The following GRHL1 variants were observed in gnomAD, a reference collection of about 807,000 sequenced individuals.
GRHL1 encodes grainyhead-like protein 1 homolog.
GRHL1 carries 38 observed loss-of-function variants against 75.7 expected under a neutral mutation model. That is an observed-to-expected ratio of 0.50 (90% CI 0.39 to 0.66). GRHL1 has a LOEUF of 0.66. Ranked by LOEUF, GRHL1 falls within the 30% of genes least tolerant of loss-of-function variation. The pLI is 0.00. For synonymous variants in GRHL1, 266 were observed against 279.4 expected (o/e 0.95, Z 0.48); for missense variants, 589 against 767.5 (o/e 0.77, Z 2.75).
intron 14 of GRHL1, among the ~76,000 whole-genome samples, chr2:9,996,779 C>T (rs1014968543): frequency 6.6e-6 from 1 of 152,230 alleles, no homozygotes; most frequent in Non-Finnish European, 1.5e-5. Flanking sequence ...ACCTTTAAAA[C>T]TCCCAATCCT....
In GRHL1 at chr2:9,987,435, C is replaced by T. The variant is rs1485456109; in HGVS notation, c.1269+1153C>T. ...ACACAGGACCCTCTGAGCCCAGCTG[C>T]TGGAAGTGTAGGCAGTCACCCCTGC... On this transcript the variant is annotated intron_variant, in intron 9 of 15. Transcript: ENST00000324907. This position sits in a 1 kb window ranked among gnomAD's most constrained non-coding sequence, Gnocchi z 4.2. Among the ~76,000 whole-genome samples the T allele has an allele frequency of 2.0e-5, 3 of 152,202 alleles. No homozygotes were observed. Among genetic ancestry groups the T allele is most frequent in the South Asian group, 2.1e-4 (1 of 4,834 alleles).
At chr2:9,969,843 T>TTC (rs140769135) in intron 8 of GRHL1, among the ~76,000 whole-genome samples, 18 of 20,078 alleles carry the variant, frequency 9.0e-4, no homozygotes, top group African/African-American at 8.2e-3. Context: ...GTTAGCACAC[T>TTC]TTTTTTTTTT....
rs1667265095 is a variant in GRHL1, at chr2:9,961,390, C to T, written c.623C>T (p.Thr208Ile). 2.5e-6 allele frequency: 4 copies of T among 1,613,828 alleles called. No homozygotes were observed. The highest frequency in any genetic ancestry group is 1.7e-5 in the Admixed American group (1 of 60,008). Residue 208 changes from threonine to isoleucine, a missense_variant, in exon 4 of 16, where the codon ACT becomes ATT. Thr to Ile is a moderately conservative substitution (Grantham distance 89, BLOSUM62 -1). Around this residue, in one of 5 missense-constraint regions of GRHL1, gnomAD observed 362 missense variants for 461.8 expected, o/e 0.78. Transcript: ENST00000324907. ...CAAGCCCCAAATGCTCAAAGGCGAA[C>T]TCCAGACTCGACCTTCTCAGAGACC... ...GAQAPNAQRR[T>I]PDSTFSETFK...
At chr2:9,993,542 G>T (rs567011499) in intron 12 of GRHL1, among the ~76,000 whole-genome samples, 1 of 152,356 alleles carries the variant, frequency 6.6e-6, no homozygotes, top group East Asian at 1.9e-4. Context: ...TGTCATGTTT[G>T]TTGATCTTCT....
chr2:9,960,867 T>C, intron 3 of GRHL1, 179 bp from the exon 4 acceptor site: 1 of 547,124 alleles, frequency 1.8e-6, no homozygotes, highest in Non-Finnish European at 3.2e-6. Flanking sequence ...TGGATTTTAT[T>C]TGACCGATAA....
chr2:9,979,351 T>C (rs115041327), intron 8 of GRHL1, among the ~76,000 whole-genome samples: 5,128 of 151,624 alleles, frequency 0.034, 304 homozygotes, highest in African/African-American at 0.12. Context: ...ACTCCCGCCT[T>C]GGCCTCCCAA....
intron 8 of GRHL1, among the ~76,000 whole-genome samples, chr2:9,973,575 T>C (rs2125223072): frequency 6.6e-6 from 1 of 152,342 alleles, no homozygotes; most frequent in African/African-American, 2.4e-5. Flanking sequence ...AAAATGGTGA[T>C]TTCATTCTCT....
intron 5 of GRHL1, among the ~76,000 whole-genome samples, chr2:9,962,881 T>C (rs11902268): frequency 0.18 from 27,367 of 151,916 alleles, 3,301 homozygotes; most frequent in African/African-American, 0.34. Context: ...AATTTAGGAG[T>C]AATATCAAGT....
chr2:9,984,895 C>G (rs1668351175), intron 8 of GRHL1, among the ~76,000 whole-genome samples: 1 of 135,972 alleles, frequency 7.4e-6, no homozygotes, highest in African/African-American at 2.7e-5. Flanking sequence ...AACCCTGTCT[C>G]TAAAAAAAAA....
intron 8 of GRHL1, among the ~76,000 whole-genome samples, chr2:9,969,577 T>C (rs1383559371): frequency 6.6e-6 from 1 of 152,166 alleles, no homozygotes; most frequent in Admixed American, 6.5e-5. Context: ...AACGTTTGAG[T>C]TGGATGAGTA....
rs769424790 is a variant in GRHL1, at chr2:9,990,986, G to A, written c.1321+239G>A. On this transcript the variant is annotated intron_variant, in intron 10 of 15. Coordinates refer to ENST00000324907, the MANE Select transcript of GRHL1 (RefSeq NM_198182.3). This position sits in a 1 kb window ranked among gnomAD's most constrained non-coding sequence, Gnocchi z 4.2. ...ATCCCTGGGTTTTCCCGACCTCAGC[G>A]TTTTTGGCTCTCAGTTCTAGTTCAG... Among the ~76,000 whole-genome samples, 16 of 152,128 alleles carry A rather than the reference G, an allele frequency of 1.1e-4. No individual in the cohort carries two copies. Among genetic ancestry groups the A allele is most frequent in the Non-Finnish European group, 2.1e-4 (14 of 68,030 alleles).
chr2:9,979,068 G>A (rs913834518), intron 8 of GRHL1, among the ~76,000 whole-genome samples: 2 of 147,362 alleles, frequency 1.4e-5, no homozygotes, highest in South Asian at 2.1e-4. Context: ...GCTGAGGCAC[G>A]AGAATCGCTT....
rs1263844877 is a variant in GRHL1, at chr2:9,956,998, TC to T, written c.208-1787del. The stretch of plus-strand genomic sequence containing the variant: ...TGTAAATTTATTTTCTTCTTCTTCT[TC>T]TTCTTTTTTTTTTTTTTAATAGAAG... On this transcript the variant is annotated intron_variant, in intron 2 of 15. Coordinates refer to ENST00000324907, the MANE Select transcript of GRHL1 (RefSeq NM_198182.3). Among the ~76,000 whole-genome samples the T allele has an allele frequency of 2.5e-3, 328 of 133,610 alleles. 2 individuals carry two copies. The highest frequency in any genetic ancestry group is 9.3e-3 in the African/African-American group (304 of 32,800). The allele number at this position is 133,610 out of a possible 152,430, so 87.7% of individuals were successfully genotyped here.
intron 8 of GRHL1, among the ~76,000 whole-genome samples, chr2:9,969,296 A>G (rs1352047290): frequency 6.6e-6 from 1 of 152,230 alleles, no homozygotes; most frequent in Admixed American, 6.5e-5. Context: ...TGCCTCACCT[A>G]TGTCCATAGT....
At chr2:9,996,963 C>T (rs1668888731) in intron 14 of GRHL1, among the ~76,000 whole-genome samples, 1 of 152,220 alleles carries the variant, frequency 6.6e-6, no homozygotes, top group Non-Finnish European at 1.5e-5. Context: ...TGGAAGGCTG[C>T]TGTGTTAATT....
In GRHL1 at chr2:10,000,763, G is replaced by A. The variant is rs973724437; in HGVS notation, c.*56G>A. 1.8e-5 allele frequency: 18 copies of A among 1,005,090 alleles called. No homozygotes were observed. The highest frequency in any genetic ancestry group is 5.5e-5 in the Admixed American group (3 of 54,242). The allele number at this position is 1,005,090 out of a possible 1,614,324, so 62.3% of individuals were successfully genotyped here. A position where few individuals can be genotyped will look rare whatever the true frequency, so the allele number is the denominator to read the frequency against. ...CAGTGCAGGTGTTTCTAGATCTTAC[G>A]GTTTGGCAACTGCAGGTAACCCCAG... On this transcript the variant is annotated 3_prime_UTR_variant, in exon 16 of 16. Transcript: ENST00000324907.
chr2:9,979,151 CAAAAAAAAA>C (rs1227015836), intron 8 of GRHL1, among the ~76,000 whole-genome samples: 1 of 60,380 alleles, frequency 1.7e-5, no homozygotes, highest in Non-Finnish European at 2.9e-5. Flanking sequence ...GACTCTCTCT[CAAAAAAAAA>C]AAAAAAAGGA....
chr2:9,957,621 G>C (rs1667090220), intron 2 of GRHL1, among the ~76,000 whole-genome samples: 3 of 151,984 alleles, frequency 2.0e-5, no homozygotes, highest in East Asian at 1.9e-4. Context: ...ATGTTGGCCA[G>C]GATGGTCTCG....
chr2:9,956,627 C>T (rs1030178491), intron 2 of GRHL1, among the ~76,000 whole-genome samples: 2 of 152,116 alleles, frequency 1.3e-5, no homozygotes, highest in African/African-American at 4.8e-5. Flanking sequence ...TGAATATGAG[C>T]AGAAACTTGT....
Sources: allele counts gnomAD v4.1 joint callset (sites outside exome capture counted in the v4.1 genomes callset), GRCh38; gene constraint gnomAD v4.1.1; regional missense constraint gnomAD v4.1.1; non-coding constraint Gnocchi (gnomAD v3.1); transcripts MANE v1.5; gene names NCBI Gene and HGNC (gene_info 2026-07-23, HGNC 2026-07-21).